Variants in TENM1 observed in about 807,000 individuals in gnomAD.
TENM1 encodes the protein teneurin transmembrane protein 1.
Under a neutral mutation model 174.8 loss-of-function variants are expected in TENM1, and 35 were observed. The observed-to-expected ratio is 0.20, with a 90% confidence interval of 0.15 to 0.27. The LOEUF is 0.27. TENM1 is among the 10% of genes least tolerant of loss of function. The probability of loss-of-function intolerance (pLI) is 1.00; values close to 1 mark genes in which losing one functional copy is unlikely to be tolerated. For missense variants in TENM1, 1,633 were observed against 2,130.1 expected (o/e 0.77, Z 4.59); for synonymous variants, 781 against 798.7 (o/e 0.98, Z 0.37).
chrX:124,917,666 A>G (rs1182565766), intron 1 of TENM1, among the ~76,000 whole-genome samples: 1 of 111,717 alleles, frequency 9.0e-6, no homozygotes, highest in African/African-American at 3.3e-5. Flanking sequence ...CATCTCTTCA[A>G]CTACAATATG....
At chrX:124,591,041 G>C (rs770863037) in intron 11 of TENM1, among the ~76,000 whole-genome samples, 9 of 111,739 alleles carry the variant, frequency 8.1e-5, no homozygotes, top group Non-Finnish European at 1.3e-4. Context: ...TCTGATATAA[G>C]AATAGTGACC....
intron 3 of TENM1, among the ~76,000 whole-genome samples, chrX:124,746,452 T>G (rs1047445228): frequency 8.9e-6 from 1 of 111,895 alleles, no homozygotes; most frequent in Admixed American, 9.5e-5. Context: ...TACAACCTAT[T>G]ACTAAGCCTA....
intron 21 of TENM1, among the ~76,000 whole-genome samples, chrX:124,483,958 G>C: frequency 8.9e-6 from 1 of 111,801 alleles, no homozygotes; most frequent in African/African-American, 3.2e-5. Flanking sequence ...GATTTCCTTA[G>C]TTTTTACCTA....
chrX:124,944,629 AC>A (rs955446444), intron 1 of TENM1, among the ~76,000 whole-genome samples: 5 of 109,337 alleles, frequency 4.6e-5, no homozygotes, highest in Non-Finnish European at 9.5e-5. Context: ...ATAAATATTT[AC>A]CACCTGGTTA....
At chrX:124,579,543 T>C (rs2858410) in intron 11 of TENM1, among the ~76,000 whole-genome samples, 28,130 of 110,956 alleles carry the variant, frequency 0.25, 2,720 homozygotes, top group South Asian at 0.41. Flanking sequence ...GGGATGACCT[T>C]CTCCTCTTCT....
intron 5 of TENM1, among the ~76,000 whole-genome samples, chrX:124,685,915 G>T (rs903487574): frequency 1.8e-5 from 2 of 111,868 alleles, no homozygotes; most frequent in Non-Finnish European, 3.8e-5. Context: ...AATGAGAAAT[G>T]TGTGGAAAGA....
At chrX:124,816,507 C>G (rs1569453916) in intron 3 of TENM1, among the ~76,000 whole-genome samples, 1 of 111,606 alleles carries the variant, frequency 9.0e-6, no homozygotes, top group Non-Finnish European at 1.9e-5. Context: ...TTTGAAAACA[C>G]TTTAGTTTCT....
chrX:124,892,300 T>C, intron 3 of TENM1, among the ~76,000 whole-genome samples: 1 of 111,795 alleles, frequency 8.9e-6, no homozygotes, highest in African/African-American at 3.3e-5. Flanking sequence ...TCCCCTTCTG[T>C]CACCTGATGA....
chrX:124,733,131 G>C (rs754177576), intron 4 of TENM1, among the ~76,000 whole-genome samples: 1 of 111,898 alleles, frequency 8.9e-6, no homozygotes, highest in East Asian at 2.8e-4. Context: ...ATTAATGTGA[G>C]GAACAGGTTG....
intron 11 of TENM1, among the ~76,000 whole-genome samples, chrX:124,577,982 G>A (rs1342853695): frequency 2.8e-5 from 3 of 107,111 alleles, no homozygotes; most frequent in Non-Finnish European, 3.9e-5. Context: ...CTGGAGTGCA[G>A]TGGCTAGATC....
chrX:125,200,654 T>TGTGTGTGA, the TENM1 span, among the ~76,000 whole-genome samples: 2 of 92,424 alleles, frequency 2.2e-5, no homozygotes, highest in African/African-American at 8.4e-5. Context: ...TGTGTGTGTG[T>TGTGTGTGA]GAGAGAGAGA....
At chrX:125,045,461 A>T in the TENM1 span, among the ~76,000 whole-genome samples, 1 of 111,708 alleles carries the variant, frequency 9.0e-6, no homozygotes, top group Admixed American at 9.5e-5. Flanking sequence ...TTGAAAGCAA[A>T]CTAGATTCTA....
chrX:124,734,463 T>C (rs1187515405), intron 4 of TENM1, among the ~76,000 whole-genome samples: 2 of 109,248 alleles, frequency 1.8e-5, no homozygotes, highest in African/African-American at 6.7e-5. Flanking sequence ...AATAAATAAA[T>C]AAATAAATAA....
At chrX:125,076,057 A>G in the TENM1 span, among the ~76,000 whole-genome samples, 2 of 111,983 alleles carry the variant, frequency 1.8e-5, no homozygotes, top group Non-Finnish European at 3.8e-5. Context: ...TAAGATTTCT[A>G]TATGTTTTAT....
intron 4 of TENM1, among the ~76,000 whole-genome samples, chrX:124,729,875 G>C (rs2053525196): frequency 9.0e-6 from 1 of 111,492 alleles, no homozygotes; most frequent in Admixed American, 9.5e-5. Context: ...TATTTATTTA[G>C]AGACAGAATC....
At position 124,648,729 on chromosome X, in the gene TENM1, G is replaced by A. The variant is rs772202091; in HGVS notation, c.1580-1919C>T. The stretch of plus-strand genomic sequence containing the variant: ...CATTTGAATTTCCCCCATGCTGGAT[G>A]GTTAGTAGAAGGCCATAGAGGAAGC... On this transcript the variant is annotated intron_variant, in intron 8 of 31. Coordinates refer to ENST00000422452, the Ensembl canonical transcript of TENM1. 2.1e-4 allele frequency among the ~76,000 whole-genome samples: 23 copies of A among 111,919 alleles called. 1 individual carries two copies. In the South Asian group the frequency reaches 7.1e-3, roughly 35 times the overall value.
rs147536839 is a variant in TENM1, at chrX:124,633,596, A to G, written c.2077+8195T>C. ...GCTTTAAATTGCCTTACAATCTTAA[A>G]TTACTATATATATATATAATTATAA... On this transcript the variant is annotated intron_variant, in intron 11 of 31. Transcript: ENST00000422452. 6.0e-3 allele frequency among the ~76,000 whole-genome samples: 667 copies of G among 110,448 alleles called. 5 individuals carry two copies. The highest frequency in any genetic ancestry group is 0.02 in the African/African-American group (624 of 30,623).
chrX:124,652,232 C>A, intron 7 of TENM1, 108 bp from the exon 11 acceptor site: 2 of 972,740 alleles, frequency 2.1e-6, no homozygotes, highest in South Asian at 2.5e-5. Flanking sequence ...TGAAGTTGAG[C>A]AAATTGGAAG....
At position 124,895,903 on chromosome X, in the gene TENM1, T is replaced by C. The variant is rs746694114; in HGVS notation, c.478+78A>G. The C allele has an allele frequency of 4.9e-5, 54 of 1,104,141 alleles. No individual in the cohort carries two copies. The Middle Eastern group carries it at 1.3e-3, about 26-fold the overall frequency. The allele number at this position is 1,104,141 out of a possible 1,213,427, so 91.0% of individuals were successfully genotyped here. A position where few individuals can be genotyped will look rare whatever the true frequency, so the allele number is the denominator to read the frequency against. On this transcript the variant is annotated intron_variant, in intron 2 of 31. Coordinates refer to ENST00000422452, the Ensembl canonical transcript of TENM1. ...ATATTAAATGAAAGAAGGGCAGATATAGGGAAGGAGAACAAAGCAAAGGCT... is the reference window on the plus strand; with the variant it reads ...ATATTAAATGAAAGAAGGGCAGATACAGGGAAGGAGAACAAAGCAAAGGCT...
Sources: allele counts gnomAD v4.1 joint callset (sites outside exome capture counted in the v4.1 genomes callset), GRCh38; gene constraint gnomAD v4.1.1; transcripts MANE v1.5; gene names NCBI Gene and HGNC (gene_info 2026-07-23, HGNC 2026-07-21).